Variants in AOPEP observed in about 807,000 individuals in gnomAD.
AOPEP encodes aminopeptidase O (putative).
AOPEP carries 77 observed loss-of-function variants against 98.1 expected under a neutral mutation model. The observed-to-expected ratio is 0.78, with a 90% CI of 0.65 to 0.95. The LOEUF is 0.95. Among genes scored for constraint, AOPEP ranks in the 40% least tolerant of loss-of-function variants. The probability of loss-of-function intolerance (pLI) is 0.00; values close to 1 mark genes in which losing one functional copy is unlikely to be tolerated. For synonymous variants in AOPEP, 346 were observed against 365.3 expected, an observed-to-expected ratio of 0.95 and a Z score of 0.60; for missense variants, 1,024 against 1,024.7, an observed-to-expected ratio of 1.00 and a Z score of 0.01.
chr9:94,869,876 T>A (rs2046123572), intron 5 of AOPEP, among the ~76,000 whole-genome samples: 1 of 151,734 alleles, frequency 6.6e-6, no homozygotes, highest in South Asian at 2.1e-4. Context: ...TTGATAGGAG[T>A]GGCATTATCA....
Position 95,086,667 on chromosome 9 carries a change from C to T in AOPEP, c.*5-15C>T. 2 of 988,206 alleles carry T rather than the reference C, an allele frequency of 2.0e-6. No individual in the cohort carries two copies. Among genetic ancestry groups the T allele is most frequent in the Non-Finnish European group, 2.4e-6 (2 of 830,932 alleles). 61.2% of individuals were successfully genotyped at this position (988,206 alleles called of 1,614,324 possible). A position where few individuals can be genotyped will look rare whatever the true frequency, so the allele number is the denominator to read the frequency against. On this transcript the variant is annotated splice_polypyrimidine_tract_variant and intron_variant, in intron 16 of 16. Coordinates refer to ENST00000375315, the MANE Select transcript of AOPEP (RefSeq NM_001193329.3). Reference sequence around the variant, plus strand: ...GGTGACTGGGTAATCAATGTTACTGCTGTTTCCTTTGCAGGAAAGACCACA... The same window carrying T: ...GGTGACTGGGTAATCAATGTTACTGTTGTTTCCTTTGCAGGAAAGACCACA...
rs891863114 is a variant in AOPEP, at chr9:94,972,921, A to G, written c.1916+5120A>G. ...ACCACTGCACGCCAGCCTGGGAGACAGAGTGAGACCCTGTCTCAAAAAAAA... is the reference window on the plus strand; with the variant it reads ...ACCACTGCACGCCAGCCTGGGAGACGGAGTGAGACCCTGTCTCAAAAAAAA... On this transcript the variant is annotated intron_variant, in intron 10 of 16. Coordinates refer to ENST00000375315, the MANE Select transcript of AOPEP (RefSeq NM_001193329.3). The surrounding 1 kb of genome is among the most constrained non-coding windows in gnomAD (Gnocchi z 4.2). Among the ~76,000 whole-genome samples, 5 of 152,122 alleles carry G rather than the reference A, an allele frequency of 3.3e-5. No homozygotes were observed. Among genetic ancestry groups the G allele is most frequent in the Non-Finnish European group, 5.9e-5 (4 of 68,020 alleles).
intron 11 of AOPEP, among the ~76,000 whole-genome samples, chr9:94,988,732 C>T (rs2060674604): frequency 6.6e-6 from 1 of 152,102 alleles, no homozygotes; most frequent in African/African-American, 2.4e-5. Flanking sequence ...GTTGAAGGCG[C>T]TCAGGGAGAC....
chr9:95,139,834 T>A, the AOPEP span, among the ~76,000 whole-genome samples: 15 of 143,154 alleles, frequency 1.0e-4, no homozygotes, highest in East Asian at 6.0e-4. Context: ...ATATATATAT[T>A]TATATATATA....
At chr9:95,109,218 A>G in the AOPEP span, among the ~76,000 whole-genome samples, 1 of 152,230 alleles carries the variant, frequency 6.6e-6, no homozygotes, top group South Asian at 2.1e-4. Flanking sequence ...GTCCAAGAGC[A>G]TGATTTTTCA....
At chr9:94,811,799 T>C (rs933402660) in intron 5 of AOPEP, among the ~76,000 whole-genome samples, 18 of 152,190 alleles carry the variant, frequency 1.2e-4, no homozygotes, top group Non-Finnish European at 2.2e-4. Context: ...GAGAACTTCT[T>C]AGGATTATTC....
At chr9:94,976,722 A>G (rs1282325680) in intron 10 of AOPEP, among the ~76,000 whole-genome samples, 1 of 143,854 alleles carries the variant, frequency 7.0e-6, no homozygotes, top group Non-Finnish European at 1.5e-5. Context: ...GCTGGAGTGT[A>G]GTGGTGTGAT....
intron 9 of AOPEP, among the ~76,000 whole-genome samples, chr9:94,965,785 G>A (rs2059151485): frequency 6.6e-6 from 1 of 152,072 alleles, no homozygotes; most frequent in Admixed American, 6.5e-5. Flanking sequence ...TGTCATCAGA[G>A]TCCTGTGTAG....
At chr9:94,960,936 C>T (rs987785405) in intron 9 of AOPEP, among the ~76,000 whole-genome samples, 6 of 149,516 alleles carry the variant, frequency 4.0e-5, no homozygotes, top group East Asian at 2.0e-4. Flanking sequence ...GGCGTGAACC[C>T]GGGAGGCGGA....
chr9:95,134,375 C>T, the AOPEP span, among the ~76,000 whole-genome samples: 2 of 152,284 alleles, frequency 1.3e-5, no homozygotes, highest in Admixed American at 1.3e-4. Context: ...GGGACTTCCT[C>T]AGTCTCAGCT....
At chr9:94,917,172 C>T (rs961254396) in intron 5 of AOPEP, among the ~76,000 whole-genome samples, 6 of 152,148 alleles carry the variant, frequency 3.9e-5, no homozygotes, top group African/African-American at 4.8e-5. Context: ...GTCTCCACAA[C>T]GTTCTCTCGG....
chr9:94,750,521 G>A (rs1835446168), intron 1 of AOPEP, among the ~76,000 whole-genome samples: 1 of 151,940 alleles, frequency 6.6e-6, no homozygotes. Flanking sequence ...AGAGGCAGAG[G>A]TTGCAGTGAG....
intron 9 of AOPEP, among the ~76,000 whole-genome samples, chr9:94,957,620 A>G (rs1016805990): frequency 2.0e-5 from 3 of 152,216 alleles, no homozygotes; most frequent in Non-Finnish European, 4.4e-5. Context: ...GGTTTTTGGT[A>G]TATTTACAAG....
intron 13 of AOPEP, among the ~76,000 whole-genome samples, chr9:95,051,564 G>T (rs1348630890): frequency 6.6e-6 from 1 of 151,934 alleles, no homozygotes; most frequent in Non-Finnish European, 1.5e-5. Flanking sequence ...CCATCTATTT[G>T]CTTTTTAAAA....
At chr9:95,146,905 TAAG>T in the AOPEP span, among the ~76,000 whole-genome samples, 8 of 151,980 alleles carry the variant, frequency 5.3e-5, no homozygotes, top group East Asian at 7.7e-4. Flanking sequence ...CGTGGAAACA[TAAG>T]AAGAAATAAG....
At chr9:94,776,954 T>G (rs1247052317) in intron 3 of AOPEP, among the ~76,000 whole-genome samples, 2 of 151,936 alleles carry the variant, frequency 1.3e-5, no homozygotes, top group Non-Finnish European at 2.9e-5. Context: ...GAATGGTACA[T>G]TTTCTGAGCC....
At chr9:95,055,794 G>A (rs190064292) in intron 13 of AOPEP, among the ~76,000 whole-genome samples, 3 of 152,302 alleles carry the variant, frequency 2.0e-5, no homozygotes, top group Admixed American at 2.0e-4. Context: ...CCCGAAGGCC[G>A]CCTGCATGTG....
At chr9:95,122,024 AT>A in the AOPEP span, among the ~76,000 whole-genome samples, 2 of 151,640 alleles carry the variant, frequency 1.3e-5, no homozygotes, top group African/African-American at 4.8e-5. Context: ...TGCCCGGCGA[AT>A]TTTTTTGTAT....
intron 5 of AOPEP, among the ~76,000 whole-genome samples, chr9:94,879,904 T>G (rs532277002): frequency 6.6e-6 from 1 of 152,340 alleles, no homozygotes; most frequent in African/African-American, 2.4e-5. Context: ...AGTGCAGGCC[T>G]TTTAACAACG....
Sources: allele counts gnomAD v4.1 joint callset (sites outside exome capture counted in the v4.1 genomes callset), GRCh38; gene constraint gnomAD v4.1.1; non-coding constraint Gnocchi (gnomAD v3.1); transcripts MANE v1.5; gene names NCBI Gene and HGNC (gene_info 2026-07-23, HGNC 2026-07-21).